Variants in MEIKIN observed in about 807,000 individuals in gnomAD.
MEIKIN encodes the protein meiotic kinetochore factor, also known as meiosis-specific kinetochore protein.
At chr5:131,902,436 T>A (rs1176034073) in intron 8 of MEIKIN, among the ~76,000 whole-genome samples, 3 of 145,132 alleles carry the variant, frequency 2.1e-5, no homozygotes, top group African/African-American at 5.0e-5. Context: ...TTTCTCAATT[T>A]AAAAAAAAAA....
chr5:131,858,534 A>G (rs1750233686), intron 9 of MEIKIN, among the ~76,000 whole-genome samples: 1 of 152,232 alleles, frequency 6.6e-6, no homozygotes, highest in South Asian at 2.1e-4. Context: ...CAAAGATTTC[A>G]TGAGGAAGAT....
At chr5:131,819,354 T>C (rs1190973529) in intron 11 of MEIKIN, among the ~76,000 whole-genome samples, 1 of 149,388 alleles carries the variant, frequency 6.7e-6, no homozygotes, top group Non-Finnish European at 1.5e-5. Context: ...GTAATTCCAA[T>C]ACCCTGGGAG....
At chr5:131,937,578 A>G (rs533525401) in intron 4 of MEIKIN, among the ~76,000 whole-genome samples, 7 of 151,928 alleles carry the variant, frequency 4.6e-5, no homozygotes, top group African/African-American at 1.7e-4. Flanking sequence ...TGAGTAATAT[A>G]CCTTTCCATA....
At position 131,818,731 on chromosome 5, in the gene MEIKIN, C is replaced by T. The variant is rs968269446; in HGVS notation, c.1099+9G>A. Reference sequence around the variant, plus strand: ...CCAAAAAGTATGCTCTGCATTCATACTACAGTACCTTGAGGGGTATCCTTA... The same window carrying T: ...CCAAAAAGTATGCTCTGCATTCATATTACAGTACCTTGAGGGGTATCCTTA... On this transcript the variant is annotated intron_variant, in intron 12 of 12. Transcript: ENST00000442687. 1 of 397,520 alleles carries T rather than the reference C, an allele frequency of 2.5e-6. No homozygotes were observed. Among genetic ancestry groups the T allele is most frequent in the African/African-American group, 2.1e-5 (1 of 48,592 alleles). The allele number at this position is 397,520 out of a possible 1,614,324, so 24.6% of individuals were successfully genotyped here.
At chr5:131,888,519 T>C (rs1750843339) in intron 8 of MEIKIN, among the ~76,000 whole-genome samples, 1 of 152,374 alleles carries the variant, frequency 6.6e-6, no homozygotes, top group South Asian at 2.1e-4. Flanking sequence ...TTTTGAGAAG[T>C]GTCTGCTCAT....
At chr5:131,837,298 C>G (rs1749825884) in intron 11 of MEIKIN, among the ~76,000 whole-genome samples, 1 of 152,168 alleles carries the variant, frequency 6.6e-6, no homozygotes, top group African/African-American at 2.4e-5. Context: ...TAGTGTGATA[C>G]TTCCCCCTTT....
intron 12 of MEIKIN, among the ~76,000 whole-genome samples, chr5:131,814,936 C>T (rs1773073245): frequency 6.6e-6 from 1 of 152,128 alleles, no homozygotes; most frequent in East Asian, 1.9e-4. Context: ...AACACTGACT[C>T]CAAGTATGGC....
intron 9 of MEIKIN, among the ~76,000 whole-genome samples, chr5:131,859,186 A>G (rs1355630685): frequency 1.3e-5 from 2 of 152,236 alleles, no homozygotes; most frequent in Middle Eastern, 3.2e-3. Context: ...AATGCCCATC[A>G]ATGGTAGACT....
At chr5:131,881,342 C>T (rs1750700512) in intron 8 of MEIKIN, among the ~76,000 whole-genome samples, 1 of 152,058 alleles carries the variant, frequency 6.6e-6, no homozygotes, top group South Asian at 2.1e-4. Context: ...CCTCTCCTGG[C>T]TTCATCATTC....
intron 9 of MEIKIN, among the ~76,000 whole-genome samples, chr5:131,877,855 T>G (rs1561741806): frequency 6.6e-6 from 1 of 152,190 alleles, no homozygotes. Flanking sequence ...AAATGGAAAG[T>G]TCTGGAAATA....
In MEIKIN at chr5:131,851,346, T is replaced by G. The variant is rs1750111367; in HGVS notation, c.893A>C (p.Glu298Ala). The stretch of plus-strand genomic sequence containing the variant: ...ATAATTGCTGACATTTGGAAATAGT[T>G]CTTCAAAAGATGCTTTTTGCACTGA... ...LSSVQKASFE[E>A]LFPNVSNYVN... Residue 298 changes from glutamate to alanine, a missense_variant, in exon 11 of 13, where the codon GAA (glutamate) becomes GCA (alanine). By Grantham distance (107) the Glu-to-Ala change is moderately radical (BLOSUM62 -1). Transcript: ENST00000442687. 4 of 398,188 alleles carry G rather than the reference T, an allele frequency of 1.0e-5. No individual in the cohort carries two copies. Among genetic ancestry groups the G allele is most frequent in the Non-Finnish European group, 1.8e-5 (4 of 225,542 alleles). 24.7% of individuals were successfully genotyped at this position (398,188 alleles called of 1,614,324 possible). A position where few individuals can be genotyped will look rare whatever the true frequency, so the allele number is the denominator to read the frequency against.
At chr5:131,822,925 G>A (rs1749544423) in intron 11 of MEIKIN, among the ~76,000 whole-genome samples, 1 of 139,484 alleles carries the variant, frequency 7.2e-6, no homozygotes, top group Non-Finnish European at 1.5e-5. Flanking sequence ...TCTCCTTCAT[G>A]CTTAAAGGAT....
intron 5 of MEIKIN, among the ~76,000 whole-genome samples, chr5:131,923,032 C>T (rs186728768): frequency 2.0e-5 from 3 of 152,298 alleles, no homozygotes; most frequent in African/African-American, 7.2e-5. Flanking sequence ...GCTGGGATTA[C>T]AGGCATCCAC....
chr5:131,913,408 AC>A (rs760906595), intron 7 of MEIKIN, among the ~76,000 whole-genome samples: 8 of 152,106 alleles, frequency 5.3e-5, no homozygotes, highest in African/African-American at 1.9e-4. Flanking sequence ...CACCTAACAG[AC>A]CCTCTTTGCC....
chr5:131,823,943 A>C (rs1397015619), intron 11 of MEIKIN, among the ~76,000 whole-genome samples: 1 of 152,178 alleles, frequency 6.6e-6, no homozygotes, highest in African/African-American at 2.4e-5. Flanking sequence ...GTGTTGGATA[A>C]GATATGGAAA....
intron 8 of MEIKIN, among the ~76,000 whole-genome samples, chr5:131,900,310 A>C (rs1342066988): frequency 6.6e-6 from 1 of 152,198 alleles, no homozygotes; most frequent in Non-Finnish European, 1.5e-5. Context: ...GTGAAGGAAG[A>C]CATAGATGCT....
At chr5:131,881,580 A>G (rs1750703325) in intron 8 of MEIKIN, among the ~76,000 whole-genome samples, 1 of 152,122 alleles carries the variant, frequency 6.6e-6, no homozygotes, top group Admixed American at 6.5e-5. Flanking sequence ...TCTGGTCTGG[A>G]GTTCTCCAGA....
At chr5:131,835,743 G>A (rs1022688507) in intron 11 of MEIKIN, among the ~76,000 whole-genome samples, 1 of 152,106 alleles carries the variant, frequency 6.6e-6, no homozygotes, top group Non-Finnish European at 1.5e-5. Context: ...ACAGGTGCCT[G>A]CCACCAGGCC....
chr5:131,922,297 A>C (rs1329864548), intron 5 of MEIKIN, among the ~76,000 whole-genome samples: 1 of 152,174 alleles, frequency 6.6e-6, no homozygotes, highest in Non-Finnish European at 1.5e-5. Flanking sequence ...TGTATTTATG[A>C]GTTCCACATT....
Sources: gnomAD v4.1 joint callset for allele counts (sites outside exome capture counted in the v4.1 genomes callset) on GRCh38, gnomAD v4.1.1 for gene constraint, MANE v1.5 for transcripts, NCBI Gene and HGNC (gene_info 2026-07-23, HGNC 2026-07-21) for gene names.